The following TMC6 variants were observed in gnomAD, a reference collection of about 807,000 sequenced individuals.
TMC6 encodes transmembrane channel-like protein 6.
Under a neutral mutation model 95.4 loss-of-function variants are expected in TMC6, and 71 were observed. The observed-to-expected ratio is 0.74, with a 90% CI of 0.61 to 0.91. TMC6 has a LOEUF of 0.91. TMC6 is among the 40% of genes least tolerant of loss of function. The pLI, the probability that TMC6 is intolerant of heterozygous loss-of-function variation, is 0.00. For missense variants in TMC6, 1,074 were observed against 1,079.1 expected (o/e 1.00, Z 0.07); for synonymous variants, 514 against 483.1 (o/e 1.06, Z -0.84).
At chr17:78,113,309 G>GC in intron 19 of TMC6, 98 bp from the exon 20 acceptor site, 1 of 1,366,994 alleles carries the variant, frequency 7.3e-7, no homozygotes, top group South Asian at 1.4e-5. Context: ...CAGGCCAGAC[G>GC]CCCCACAGCC....
intron 18 of TMC6, among the ~76,000 whole-genome samples, chr17:78,115,209 C>T (rs2074002848): frequency 6.6e-6 from 1 of 152,206 alleles, no homozygotes; most frequent in Non-Finnish European, 1.5e-5. Flanking sequence ...TGCCTGGAGC[C>T]CTGGATCCTG....
At chr17:78,130,164 T>C (rs532801931), upstream of TMC6, among the ~76,000 whole-genome samples, 51 of 152,270 alleles carry the variant, frequency 3.3e-4, no homozygotes, top group African/African-American at 1.2e-3. Flanking sequence ...ATGGAGCCAA[T>C]TCCTGAGCAC....
chr17:78,116,141 T>C (rs1408019417), intron 18 of TMC6, among the ~76,000 whole-genome samples: 1 of 151,832 alleles, frequency 6.6e-6, no homozygotes, highest in African/African-American at 2.4e-5. Flanking sequence ...CACGCCCAGC[T>C]GATTTTTGTA....
At chr17:78,132,264 C>A, upstream of TMC6, 2 of 1,492,886 alleles carry the variant, frequency 1.3e-6, no homozygotes, top group Non-Finnish European at 1.8e-6. Context: ...GCCTGGCGGG[C>A]ACCCCACGCC....
Position 78,121,532 on chromosome 17 carries a change from G to A in TMC6, c.1383+24C>T. ...CACTGGGGACACGTTCCAAGCAAGGGCCAGGCTCCCCCCATCCCCGCACCT... is the reference window on the plus strand; with the variant it reads ...CACTGGGGACACGTTCCAAGCAAGGACCAGGCTCCCCCCATCCCCGCACCT... On this transcript the variant is annotated intron_variant, in intron 11 of 19. Transcript: ENST00000590602. This position sits in a 1 kb window ranked among gnomAD's most constrained non-coding sequence, Gnocchi z 5.6. 1 of 1,610,692 alleles carries A rather than the reference G, an allele frequency of 6.2e-7. No individual in the cohort carries two copies.
chr17:78,123,106 C>G, intron 9 of TMC6: 2 of 393,302 alleles, frequency 5.1e-6, no homozygotes, highest in South Asian at 4.3e-5. Flanking sequence ...CTTATCCATC[C>G]CCACTCTTAT....
Position 78,109,757 on chromosome 17 carries a change from C to A in TMC6, c.*3391G>T. ...CTCAACCTTGGCCCATTAGAATTAC[C>A]TGAAAATTTTTAAGATAATTCACAT... is the stretch of plus-strand genomic sequence containing the variant. On this transcript the variant is annotated 3_prime_UTR_variant, in exon 20 of 20. Transcript: ENST00000590602. The A allele has an allele frequency of 2.9e-6, 1 of 346,374 alleles. No individual in the cohort carries two copies. Among genetic ancestry groups the A allele is most frequent in the Admixed American group, 4.0e-5 (1 of 24,764 alleles). The allele number at this position is 346,374 out of a possible 1,614,324, so 21.5% of individuals were successfully genotyped here.
At position 78,117,941 on chromosome 17, in the gene TMC6, G is replaced by A. The variant is rs753497031; in HGVS notation, c.1888-6C>T. The A allele has an allele frequency of 4.4e-6, 7 of 1,596,312 alleles. No homozygotes were observed. In the Admixed American group the frequency reaches 7.0e-5, roughly 16 times the overall value. ...CAGTTGGCCAGAAGGCTGGTCTGTGGGGAAAGGCTGCGCTCTGCCACCATC... is the reference window on the plus strand; with the variant it reads ...CAGTTGGCCAGAAGGCTGGTCTGTGAGGAAAGGCTGCGCTCTGCCACCATC... On this transcript the variant is annotated splice_polypyrimidine_tract_variant and splice_region_variant and intron_variant, in intron 15 of 19. Coordinates refer to ENST00000590602, the MANE Select transcript of TMC6 (RefSeq NM_001127198.5).
At chr17:78,115,007 C>T (rs1181263386) in intron 18 of TMC6, among the ~76,000 whole-genome samples, 1 of 152,258 alleles carries the variant, frequency 6.6e-6, no homozygotes, top group African/African-American at 2.4e-5. Context: ...TGAAATGCCA[C>T]CCAGTAGGGC....
Position 78,122,554 on chromosome 17 carries a change from C to T in TMC6, c.1227+51G>A, listed in dbSNP as rs2074467338. On this transcript the variant is annotated intron_variant, in intron 10 of 19. Transcript: ENST00000590602. This position sits in a 1 kb window ranked among gnomAD's most constrained non-coding sequence, Gnocchi z 4.9. ...ACATGGTCCTAAGTGGACCCAGGGC[C>T]AGGCCTGCAGGGAGCTGGGCAGGCC... 1 of 1,600,540 alleles carries T rather than the reference C, an allele frequency of 6.2e-7. No homozygotes were observed. The highest frequency in any genetic ancestry group is 2.2e-5 in the East Asian group (1 of 44,840).
At chr17:78,118,245 CA>C in intron 15 of TMC6, 1 of 484,742 alleles carries the variant, frequency 2.1e-6, no homozygotes. Flanking sequence ...GATGAGGAAA[CA>C]AAAGGCCAGA....
At chr17:78,129,072 G>C (rs1054215364), upstream of TMC6, among the ~76,000 whole-genome samples, 2 of 150,966 alleles carry the variant, frequency 1.3e-5, no homozygotes, top group Admixed American at 6.6e-5. The surrounding 1 kb of genome is among the most constrained non-coding windows in gnomAD (Gnocchi z 4.3). Flanking sequence ...AGATGCCGCC[G>C]AAAGCCCCAG....
At chr17:78,114,943 C>T (rs1336462516) in intron 18 of TMC6, among the ~76,000 whole-genome samples, 1 of 148,562 alleles carries the variant, frequency 6.7e-6, no homozygotes, top group Non-Finnish European at 1.5e-5. Flanking sequence ...CTCCCAGCAC[C>T]ACTCTGCATT....
intron 18 of TMC6, among the ~76,000 whole-genome samples, chr17:78,116,202 C>G (rs2074102329): frequency 6.6e-6 from 1 of 151,756 alleles, no homozygotes; most frequent in East Asian, 1.9e-4. Flanking sequence ...GTCTCGACCT[C>G]CTGACCTCAA....
At chr17:78,131,610 T>C, upstream of TMC6, 3 of 1,548,684 alleles carry the variant, frequency 1.9e-6, no homozygotes, top group Non-Finnish European at 2.6e-6. Flanking sequence ...GCGGTCGGTG[T>C]CATCGGAGCG....
upstream of TMC6, chr17:78,131,408 A>C: frequency 1.3e-6 from 1 of 796,630 alleles, no homozygotes. Flanking sequence ...AGACCCGGGC[A>C]AGTGAACCCT....
upstream of TMC6, chr17:78,131,694 G>A (rs753691901): frequency 6.1e-5 from 96 of 1,579,540 alleles, no homozygotes; most frequent in Middle Eastern, 6.7e-4. Flanking sequence ...TGGGACGCCC[G>A]TGCGCGGGCT....
intron 18 of TMC6, 41 bp from the exon 19 acceptor site, chr17:78,113,665 T>C (rs760574843): frequency 5.0e-6 from 8 of 1,605,098 alleles, no homozygotes. Context: ...AAATCATCCA[T>C]CAGCCCATCC....
rs2073820955 is a variant in TMC6, at chr17:78,111,319, T to A, written c.*1829A>T. On this transcript the variant is annotated 3_prime_UTR_variant, in exon 20 of 20. Transcript: ENST00000590602. ...TTCCTGTCATAAGCAGCTAGTACTGTCCTTTGTGAGGCTGGCAAGATGGGC... is the reference window on the plus strand; with the variant it reads ...TTCCTGTCATAAGCAGCTAGTACTGACCTTTGTGAGGCTGGCAAGATGGGC... 6.6e-6 allele frequency: 1 copy of A among 152,302 alleles called. No homozygotes were observed. The highest frequency in any genetic ancestry group is 2.4e-5 in the African/African-American group (1 of 41,452). 9.4% of individuals were successfully genotyped at this position (152,302 alleles called of 1,614,324 possible). A position where few individuals can be genotyped will look rare whatever the true frequency, so the allele number is the denominator to read the frequency against.
Sources: allele counts gnomAD v4.1 joint callset (sites outside exome capture counted in the v4.1 genomes callset), GRCh38; gene constraint gnomAD v4.1.1; non-coding constraint Gnocchi (gnomAD v3.1); transcripts MANE v1.5; gene names NCBI Gene and HGNC (gene_info 2026-07-23, HGNC 2026-07-21).